The following DYNC1H1 variants were observed in gnomAD, a reference collection of about 807,000 sequenced individuals.
DYNC1H1 encodes the protein cytoplasmic dynein 1 heavy chain 1.
In DYNC1H1, 51 loss-of-function variants were observed where a neutral mutation model predicts 527.1. The observed-to-expected ratio is 0.10, with a 90% CI of 0.08 to 0.12. The LOEUF (loss-of-function observed/expected upper bound fraction) is 0.12, where lower values mean the gene tolerates loss of function less well. DYNC1H1 is among the 10% of genes least tolerant of loss of function. The pLI, the probability that DYNC1H1 is intolerant of heterozygous loss-of-function variation, is 1.00. For synonymous variants in DYNC1H1, 2,189 were observed against 2,278.8 expected, an observed-to-expected ratio of 0.96 and a Z score of 1.12; for missense variants, 2,771 against 5,971.8, an observed-to-expected ratio of 0.46 and a Z score of 17.66.
In DYNC1H1 at chr14:102,011,763, A is replaced by C; in HGVS notation, c.6619-112A>C. 8.1e-7 allele frequency: 1 copy of C among 1,242,052 alleles called. No homozygotes were observed. Among genetic ancestry groups the C allele is most frequent in the African/African-American group, 1.5e-5 (1 of 67,216 alleles). The allele number at this position is 1,242,052 out of a possible 1,614,324, so 76.9% of individuals were successfully genotyped here. A position where few individuals can be genotyped will look rare whatever the true frequency, so the allele number is the denominator to read the frequency against. On this transcript the variant is annotated intron_variant, in intron 32 of 77. Coordinates refer to ENST00000360184, the MANE Select transcript of DYNC1H1 (RefSeq NM_001376.5). This position sits in a 1 kb window ranked among gnomAD's most constrained non-coding sequence, Gnocchi z 5.3. ...AGAGACTCCGTTTCAGGAAAAAAAA[A>C]AAAATCCACACATAATGTTTCTTGC... is the stretch of plus-strand genomic sequence containing the variant.
rs1341308384 is a variant in DYNC1H1 at position 101,980,443 on chromosome 14, T to C, written c.854T>C (p.Leu285Ser). ...ISFWLNLERALYRIQEKRESP... is the reference protein window; with the variant it reads ...ISFWLNLERASYRIQEKRESP... ...TTTTGGCTAAACTTGGAACGTGCGTTATACCGCATCCAGGAGAAACGGGAG... is the reference window on the plus strand; with the variant it reads ...TTTTGGCTAAACTTGGAACGTGCGTCATACCGCATCCAGGAGAAACGGGAG... Residue 285 changes from leucine (L) to serine (S), a missense_variant, in exon 5 of 78, where the codon TTA (leucine) becomes TCA (serine). By Grantham distance (145) the Leu-to-Ser change is moderately radical. This residue lies in a region of DYNC1H1 where 146 missense variants were observed against 288.1 expected (regional missense o/e 0.51). Transcript: ENST00000360184. The C allele has an allele frequency of 6.8e-6, 11 of 1,614,140 alleles. No homozygotes were observed. The highest frequency in any genetic ancestry group is 1.3e-5 in the African/African-American group (1 of 74,946).
rs764341361 is a variant in DYNC1H1 at position 101,980,436 on chromosome 14, C to T, written c.847C>T (p.Arg283Cys). ...QEISFWLNLE[R>C]ALYRIQEKRE... ...AATTAGTTTTTGGCTAAACTTGGAA[C>T]GTGCGTTATACCGCATCCAGGAGAA... The change falls in exon 5 of 78, where the codon CGT (arginine) becomes TGT (cysteine). Residue 283 changes from arginine to cysteine, a missense_variant. This residue lies in a region of DYNC1H1 where 146 missense variants were observed against 288.1 expected (regional missense o/e 0.51). Transcript: ENST00000360184. 2.5e-6 allele frequency: 4 copies of T among 1,614,262 alleles called. No individual in the cohort carries two copies. Among genetic ancestry groups the T allele is most frequent in the South Asian group, 1.1e-5 (1 of 91,086 alleles).
At position 102,029,425 on chromosome 14, in the gene DYNC1H1, G is replaced by A. The variant is rs754840190; in HGVS notation, c.9469-114G>A. 2.5e-5 allele frequency: 35 copies of A among 1,411,050 alleles called. No homozygotes were observed. The highest frequency in any genetic ancestry group is 7.2e-5 in the South Asian group (6 of 83,158). The allele number at this position is 1,411,050 out of a possible 1,614,324, so 87.4% of individuals were successfully genotyped here. A position where few individuals can be genotyped will look rare whatever the true frequency, so the allele number is the denominator to read the frequency against. ...GGCCCGACTCGAGTGTTCTGGCCCC[G>A]AGGGCCAGGCTCCTTCTATCATGTC... On this transcript the variant is annotated intron_variant, in intron 48 of 77. Transcript: ENST00000360184. This position sits in a 1 kb window ranked among gnomAD's most constrained non-coding sequence, Gnocchi z 5.3.
At chr14:101,998,889 T>TGTTTTTTTTTTTTG in intron 16 of DYNC1H1, among the ~76,000 whole-genome samples, 1 of 146,352 alleles carries the variant, frequency 6.8e-6, no homozygotes, top group African/African-American at 2.6e-5. Flanking sequence ...CTTTTTTTTT[T>TGTTTTTTTTTTTTG]TTTTTTTTTT....
chr14:102,005,227 A>G lies in DYNC1H1; in HGVS notation c.5424A>G (p.Leu1808=), dbSNP rs770425304. The G allele has an allele frequency of 8.7e-6, 14 of 1,614,224 alleles. No individual in the cohort carries two copies. Among genetic ancestry groups the G allele is most frequent in the Middle Eastern group, 1.6e-4 (1 of 6,062 alleles). The change falls in exon 26 of 78, where the codon CTA becomes CTG. Residue 1808 remains leucine (L), a synonymous_variant. Transcript: ENST00000360184. This position sits in a 1 kb window ranked among gnomAD's most constrained non-coding sequence, Gnocchi z 4.0. ...MEQPPLRRRK[L]EHLITELVHQ... ...AGCCCCCACTCCGAAGGCGGAAGCT[A>G]GAACACTTGGTTAGTCTCACACCTG... is the stretch of plus-strand genomic sequence containing the variant.
rs1462276284 is a variant in DYNC1H1, at chr14:101,985,092, C to A, written c.1462-595C>A. ...CATCCAAATCTTTAGTGTTTTCCAT[C>A]CATTTATCCCTTCCTCCATCTTGGA... On this transcript the variant is annotated intron_variant, in intron 7 of 77. Transcript: ENST00000360184. This position sits in a 1 kb window ranked among gnomAD's most constrained non-coding sequence, Gnocchi z 5.9. Among the ~76,000 whole-genome samples the A allele has an allele frequency of 1.3e-5, 2 of 151,812 alleles. No homozygotes were observed. The highest frequency in any genetic ancestry group is 2.4e-5 in the African/African-American group (1 of 41,342).
In DYNC1H1 at chr14:102,044,297, T is replaced by C. The variant is rs1055961847; in HGVS notation, c.12708T>C (p.Asp4236=). 2 of 1,614,004 alleles carry C rather than the reference T, an allele frequency of 1.2e-6. No individual in the cohort carries two copies. The highest frequency in any genetic ancestry group is 1.3e-5 in the African/African-American group (1 of 74,920). ...TAKGRQNISP[D]KIPWSALKTL... is the part of the protein sequence containing the mutation. ...AGGGCAGGCAGAACATCTCACCGGATAAGATCCCGTGGTCTGCACTAAAGA... is the reference window on the plus strand; with the variant it reads ...AGGGCAGGCAGAACATCTCACCGGACAAGATCCCGTGGTCTGCACTAAAGA... The change falls in exon 71 of 78, where the codon GAT becomes GAC. Residue 4236 remains aspartate, a synonymous_variant. Coordinates refer to ENST00000360184, the MANE Select transcript of DYNC1H1 (RefSeq NM_001376.5). This position sits in a 1 kb window ranked among gnomAD's most constrained non-coding sequence, Gnocchi z 7.1.
rs780253151 is a variant in DYNC1H1 at position 102,038,757 on chromosome 14, T to C, written c.11115T>C (p.Arg3705=). ...CTTTTGTAAACTTCACAGTTACCCG[T>C]AGCAGTTTACAAAGCCAGTGTCTAA... ...RVTFVNFTVT[R]SSLQSQCLNE... Residue 3705 remains arginine, a synonymous_variant, in exon 59 of 78, where the codon CGT becomes CGC. Transcript: ENST00000360184. The surrounding 1 kb of genome is among the most constrained non-coding windows in gnomAD (Gnocchi z 7.2). 2 of 1,614,198 alleles carry C rather than the reference T, an allele frequency of 1.2e-6. No individual in the cohort carries two copies. Among genetic ancestry groups the C allele is most frequent in the Non-Finnish European group, 1.7e-6 (2 of 1,180,038 alleles).
At position 102,009,843 on chromosome 14, in the gene DYNC1H1, C is replaced by T. The variant is rs750380197; in HGVS notation, c.5978C>T (p.Thr1993Ile). 1 of 1,613,966 alleles carries T rather than the reference C, an allele frequency of 6.2e-7. No homozygotes were observed. Among genetic ancestry groups the T allele is most frequent in the Non-Finnish European group, 8.5e-7 (1 of 1,180,010 alleles). Reference protein sequence around the residue: ...REHSNPNYDKTSAPITCELLN... With the variant: ...REHSNPNYDKISAPITCELLN... The stretch of plus-strand genomic sequence containing the variant: ...CTTAACGCTATCATCTCATTCTCAG[C>T]CTCTGCCCCCATTACTTGTGAGCTG... Residue 1993 changes from threonine (T) to isoleucine (I), a missense_variant and splice_region_variant, in exon 30 of 78, where the codon ACC (threonine) becomes ATC (isoleucine). Physicochemically the swap from Thr to Ile is moderately conservative, Grantham distance 89. This residue lies in a region of DYNC1H1 where 39 missense variants were observed against 38.8 expected (regional missense o/e 1.00). Coordinates refer to ENST00000360184, the MANE Select transcript of DYNC1H1 (RefSeq NM_001376.5).
chr14:102,018,707 T>C lies in DYNC1H1; in HGVS notation c.8343+91T>C. 1 of 1,535,154 alleles carries C rather than the reference T, an allele frequency of 6.5e-7. No homozygotes were observed. The highest frequency in any genetic ancestry group is 8.8e-7 in the Non-Finnish European group (1 of 1,138,798). ...CAGGTGTGGTGGTTCACACCTGTAA[T>C]CCCAGCATTTTGGGAGGCCAAGGTG... On this transcript the variant is annotated intron_variant, in intron 41 of 77. Transcript: ENST00000360184. The surrounding 1 kb of genome is among the most constrained non-coding windows in gnomAD (Gnocchi z 5.2).
intron 43 of DYNC1H1, 68 bp downstream of exon 43, chr14:102,022,948 T>G: frequency 6.2e-7 from 1 of 1,602,236 alleles, no homozygotes; most frequent in Non-Finnish European, 8.5e-7. Context: ...TAACGAATTC[T>G]AACGAATTAT....
chr14:101,975,904 A>G, intron 2 of DYNC1H1, 105 bp downstream of exon 2: 1 of 944,014 alleles, frequency 1.1e-6, no homozygotes, highest in South Asian at 1.5e-5. Flanking sequence ...GAGAATTAAT[A>G]TAAATCTTTT....
At chr14:102,006,455 G>A (rs571424470) in intron 27 of DYNC1H1, among the ~76,000 whole-genome samples, 6 of 152,244 alleles carry the variant, frequency 3.9e-5, no homozygotes, top group South Asian at 2.1e-4. Context: ...GGCTGGTCTC[G>A]AACTCCTGAC....
chr14:101,973,463 TA>T (rs2047763029), intron 1 of DYNC1H1, among the ~76,000 whole-genome samples: 1 of 152,116 alleles, frequency 6.6e-6, no homozygotes, highest in African/African-American at 2.4e-5. Context: ...CCTGGCCAGA[TA>T]GACTAATATT....
rs75000475 is a variant in DYNC1H1, at chr14:101,988,958, C to T, written c.2868+106C>T. 4.8e-6 allele frequency: 7 copies of T among 1,443,504 alleles called. 1 individual carries two copies. Among genetic ancestry groups the T allele is most frequent in the Middle Eastern group, 2.3e-4 (1 of 4,398 alleles). The allele number at this position is 1,443,504 out of a possible 1,614,324, so 89.4% of individuals were successfully genotyped here. ...ACTTAGTGTGGACACCTGGCAGATG[C>T]CACCTTAACCAGGTGATGAAGGTCA... On this transcript the variant is annotated intron_variant, in intron 10 of 77. Coordinates refer to ENST00000360184, the MANE Select transcript of DYNC1H1 (RefSeq NM_001376.5).
chr14:101,986,052 C>A lies in DYNC1H1; in HGVS notation c.1827C>A (p.Ile609=), dbSNP rs760971556. The A allele has an allele frequency of 3.1e-6, 5 of 1,614,098 alleles. No individual in the cohort carries two copies. In the South Asian group the frequency reaches 5.5e-5, roughly 18 times the overall value. ...TTCGCGAATACCAGACCCAGCTGATCCAGCGCGTGAAAGATGACATTGAGT... is the reference window on the plus strand; with the variant it reads ...TTCGCGAATACCAGACCCAGCTGATACAGCGCGTGAAAGATGACATTGAGT... The part of the protein sequence containing the change: ...GAIREYQTQL[I]QRVKDDIESL... Residue 609 remains isoleucine (I), a synonymous_variant, in exon 8 of 78, where the codon ATC becomes ATA. Transcript: ENST00000360184. The surrounding 1 kb of genome is among the most constrained non-coding windows in gnomAD (Gnocchi z 8.7).
chr14:102,003,059 T>C, intron 23 of DYNC1H1, 94 bp downstream of exon 23: 1 of 1,549,914 alleles, frequency 6.5e-7, no homozygotes, highest in Admixed American at 1.7e-5. Flanking sequence ...CCTGTGTTTG[T>C]TAGTTTTGAC....
chr14:101,990,054 G>A (rs10132469), intron 10 of DYNC1H1, among the ~76,000 whole-genome samples: 17,847 of 152,066 alleles, frequency 0.12, 1,670 homozygotes, highest in African/African-American at 0.26. Flanking sequence ...GGTGGGCAGC[G>A]GGCTGTCATC....
rs1293622479 is a variant in DYNC1H1 at position 102,034,005 on chromosome 14, C to T, written c.10443C>T (p.Ser3481=). The part of the protein sequence containing the change: ...KVNRSTALLK[S]LSAERERWEK... Reference sequence around the variant, plus strand: ...ACCGGAGCACTGCTCTTCTGAAGAGCTTGTCTGCTGAACGTGAACGATGGG... The same window carrying T: ...ACCGGAGCACTGCTCTTCTGAAGAGTTTGTCTGCTGAACGTGAACGATGGG... Residue 3481 remains serine (S), a synonymous_variant, in exon 55 of 78, where the codon AGC becomes AGT. Transcript: ENST00000360184. The T allele has an allele frequency of 3.1e-6, 5 of 1,613,912 alleles. No individual in the cohort carries two copies. The African/African-American group carries it at 5.3e-5, about 17-fold the overall frequency.
Sources: gnomAD v4.1 joint callset for allele counts (sites outside exome capture counted in the v4.1 genomes callset) on GRCh38, gnomAD v4.1.1 for gene constraint, gnomAD v4.1.1 regional missense constraint, Gnocchi (gnomAD v3.1) non-coding constraint, MANE v1.5 for transcripts, NCBI Gene and HGNC (gene_info 2026-07-23, HGNC 2026-07-21) for gene names.